ENOX1: variants seen among roughly 807,000 people sequenced by gnomAD.
The protein encoded by ENOX1 is candidate growth-related and time keeping constitutive hydroquinone (NADH) oxidase.
Under a neutral mutation model 82.5 loss-of-function variants are expected in ENOX1, and 42 were observed. The ratio of observed to expected loss-of-function variants is 0.51; its 90% CI spans 0.40 to 0.66. The LOEUF is 0.66. Among genes scored for constraint, ENOX1 ranks in the 30% least tolerant of loss-of-function variants. ENOX1 has a pLI of 0.00. For missense variants in ENOX1, 608 were observed against 811.6 expected (o/e 0.75, Z 3.05); for synonymous variants, 271 against 282.2 (o/e 0.96, Z 0.40).
intron 5 of ENOX1, among the ~76,000 whole-genome samples, chr13:43,380,131 T>C (rs909772701): frequency 9.9e-5 from 15 of 151,566 alleles, no homozygotes; most frequent in Non-Finnish European, 2.2e-4. Flanking sequence ...AAACAATCCA[T>C]CACCAGCAGA....
intron 13 of ENOX1, among the ~76,000 whole-genome samples, chr13:43,267,968 G>A (rs1187429497): frequency 3.3e-5 from 5 of 152,028 alleles, no homozygotes; most frequent in Non-Finnish European, 5.9e-5. Flanking sequence ...TAAAATAATG[G>A]AGAGTGAAGT....
At chr13:43,445,968 G>T (rs1290085076) in intron 3 of ENOX1, among the ~76,000 whole-genome samples, 1 of 152,116 alleles carries the variant, frequency 6.6e-6, no homozygotes, top group Non-Finnish European at 1.5e-5. Context: ...GCTCCCACGA[G>T]GAAAACATCT....
intron 5 of ENOX1, among the ~76,000 whole-genome samples, chr13:43,368,974 C>T (rs1015544370): frequency 2.0e-5 from 3 of 151,930 alleles, no homozygotes; most frequent in African/African-American, 7.2e-5. Flanking sequence ...CTCCAGCATG[C>T]CTTCCTTTGG....
At chr13:43,661,386 GAAGTT>G (rs1208243908) in intron 2 of ENOX1, among the ~76,000 whole-genome samples, 2 of 152,202 alleles carry the variant, frequency 1.3e-5, no homozygotes, top group African/African-American at 2.4e-5. Flanking sequence ...GAGGCCGGTG[GAAGTT>G]AAGTATAGAC....
intron 2 of ENOX1, among the ~76,000 whole-genome samples, chr13:43,645,650 G>A (rs1240397442): frequency 1.3e-5 from 2 of 152,082 alleles, no homozygotes; most frequent in African/African-American, 4.8e-5. Context: ...GAACTCCATG[G>A]AAATTGAGTA....
At chr13:43,403,028 A>C (rs554987113) in intron 5 of ENOX1, among the ~76,000 whole-genome samples, 1 of 152,162 alleles carries the variant, frequency 6.6e-6, no homozygotes, top group African/African-American at 2.4e-5. Context: ...ACACATACAA[A>C]AATTATATAT....
At chr13:43,279,446 A>G (rs2045248485) in intron 12 of ENOX1, among the ~76,000 whole-genome samples, 1 of 152,172 alleles carries the variant, frequency 6.6e-6, no homozygotes, top group Admixed American at 6.6e-5. Context: ...ACAAAGCAAG[A>G]TATCAATGAA....
chr13:43,223,989 C>G, intron 16 of ENOX1, 64 bp downstream of exon 16: 1 of 1,251,674 alleles, frequency 8.0e-7, no homozygotes, highest in South Asian at 1.2e-5. Context: ...CAGAGTCCAC[C>G]TGCAGGCAGC....
chr13:43,510,972 T>C (rs1349857913), intron 2 of ENOX1, among the ~76,000 whole-genome samples: 1 of 152,142 alleles, frequency 6.6e-6, no homozygotes, highest in African/African-American at 2.4e-5. Context: ...GCAATGTCCA[T>C]ACTGCGAACT....
chr13:43,223,735 C>T (rs1421337570), intron 16 of ENOX1, among the ~76,000 whole-genome samples: 2 of 152,208 alleles, frequency 1.3e-5, no homozygotes, highest in East Asian at 3.8e-4. Context: ...ATTAGCCACA[C>T]TCACCTGATT....
intron 1 of ENOX1, among the ~76,000 whole-genome samples, chr13:43,672,674 A>AG (rs2085325445): frequency 6.6e-6 from 1 of 152,154 alleles, no homozygotes; most frequent in South Asian, 2.1e-4. Flanking sequence ...ATTTGTTACC[A>AG]TTCAACAAAC....
intron 5 of ENOX1, among the ~76,000 whole-genome samples, chr13:43,365,548 CT>C (rs1266174182): frequency 5.3e-5 from 8 of 151,956 alleles, no homozygotes; most frequent in Non-Finnish European, 8.8e-5. Flanking sequence ...CCTGCACCCC[CT>C]GGTCCAGGGT....
intron 2 of ENOX1, among the ~76,000 whole-genome samples, chr13:43,494,539 CT>C (rs1478886036): frequency 1.9e-4 from 29 of 152,144 alleles, no homozygotes; most frequent in Admixed American, 5.9e-4. Flanking sequence ...TGTACCTTTA[CT>C]GAAGGTACCT....
intron 1 of ENOX1, among the ~76,000 whole-genome samples, chr13:43,731,912 G>A (rs1156241218): frequency 6.6e-6 from 1 of 152,206 alleles, no homozygotes; most frequent in East Asian, 1.9e-4. Flanking sequence ...TTGCCCCTGG[G>A]CTTGTAATCT....
intron 1 of ENOX1, among the ~76,000 whole-genome samples, chr13:43,709,070 A>G (rs59794625): frequency 0.021 from 3,214 of 152,270 alleles, 130 homozygotes; most frequent in African/African-American, 0.074. Context: ...TATATACAAA[A>G]TATAATTTTT....
chr13:43,586,788 G>C (rs1016585794), intron 2 of ENOX1, among the ~76,000 whole-genome samples: 1 of 152,162 alleles, frequency 6.6e-6, no homozygotes, highest in South Asian at 2.1e-4. Context: ...AATAGTAAAA[G>C]AGGCGGTGGC....
At chr13:43,771,341 T>G (rs1348216403) in intron 1 of ENOX1, among the ~76,000 whole-genome samples, 1 of 152,112 alleles carries the variant, frequency 6.6e-6, no homozygotes, top group Non-Finnish European at 1.5e-5. Context: ...CATCTTTTTT[T>G]GTGTGGGATA....
At chr13:43,582,095 T>C (rs1467235199) in intron 2 of ENOX1, among the ~76,000 whole-genome samples, 1 of 152,064 alleles carries the variant, frequency 6.6e-6, no homozygotes, top group Non-Finnish European at 1.5e-5. Flanking sequence ...AAGAAAAGTA[T>C]AGAAAACATT....
chr13:43,361,148 CTTCTGTAGAACGGATCCCCACTCTGTGCA>C, intron 6 of ENOX1, 102 bp downstream of exon 6: 1 of 912,194 alleles, frequency 1.1e-6, no homozygotes, highest in African/African-American at 1.7e-5. Flanking sequence ...GACAAAAGGC[CTTCTGTAGAACGGATCCCCACTCTGTGCA>C]TTTACGTGTG....
Sources: allele counts gnomAD v4.1 joint callset (sites outside exome capture counted in the v4.1 genomes callset), GRCh38; gene constraint gnomAD v4.1.1; transcripts MANE v1.5; gene names NCBI Gene and HGNC (gene_info 2026-07-23, HGNC 2026-07-21).